Variants in JCAD observed in about 807,000 individuals in gnomAD.
The protein encoded by JCAD is junctional cadherin 5 associated.
Under a neutral mutation model 98.0 loss-of-function variants are expected in JCAD, and 40 were observed. The observed-to-expected ratio is 0.41, with a 90% CI of 0.32 to 0.53. The LOEUF is 0.53. Ranked by LOEUF, JCAD falls within the 20% of genes least tolerant of loss-of-function variation. JCAD has a pLI of 0.31. For missense variants in JCAD, 1,705 were observed against 1,738.1 expected, an observed-to-expected ratio of 0.98 and a Z score of 0.34; for synonymous variants, 691 against 682.3, an observed-to-expected ratio of 1.01 and a Z score of -0.20.
intron 1 of JCAD, 102 bp from the exon 2 acceptor site, chr10:30,047,973 T>C (rs770079892): frequency 2.2e-5 from 14 of 646,988 alleles, no homozygotes; most frequent in Non-Finnish European, 3.4e-5. Context: ...ACCATGGCGA[T>C]GGACACAGCA....
In JCAD at chr10:30,049,397, G is replaced by C. The variant is rs117966055; in HGVS notation, c.-59-1526C>G. 4.5e-3 allele frequency among the ~76,000 whole-genome samples: 693 copies of C among 152,328 alleles called. 10 individuals carry two copies. The South Asian group carries it at 0.051, about 11-fold the overall frequency. ...TGCGGCATGTGCTTCCTGTCACTGG[G>C]AGCTCTTACTCGGGTCTGTCGCACA... On this transcript the variant is annotated intron_variant, in intron 1 of 3. Coordinates refer to ENST00000375377, the MANE Select transcript of JCAD (RefSeq NM_020848.4).
intron 2 of JCAD, among the ~76,000 whole-genome samples, chr10:30,043,109 T>C (rs953730784): frequency 1.1e-4 from 16 of 152,262 alleles, no homozygotes; most frequent in Non-Finnish European, 2.4e-4. Context: ...CAAGTTCACA[T>C]GCTCCTTTGT....
intron 2 of JCAD, among the ~76,000 whole-genome samples, chr10:30,044,532 C>T (rs1002577917): frequency 6.6e-6 from 1 of 152,104 alleles, no homozygotes; most frequent in Non-Finnish European, 1.5e-5. Context: ...CCCCCTAGAC[C>T]GGGAGGCCAG....
chr10:30,112,871 C>CCA (rs1838730070), intron 1 of JCAD, among the ~76,000 whole-genome samples: 1 of 99,122 alleles, frequency 1.0e-5, no homozygotes, highest in Non-Finnish European at 2.0e-5. Flanking sequence ...GACTCCATCT[C>CCA]AAAAAAAAAA....
At chr10:30,114,420 A>T (rs1433913380) in intron 1 of JCAD, among the ~76,000 whole-genome samples, 1 of 152,112 alleles carries the variant, frequency 6.6e-6, no homozygotes, top group Non-Finnish European at 1.5e-5. Flanking sequence ...TCAAGTAGGT[A>T]GGAAATTTTC....
chr10:30,107,248 C>T (rs1407857720), intron 1 of JCAD, among the ~76,000 whole-genome samples: 1 of 152,160 alleles, frequency 6.6e-6, no homozygotes, highest in Non-Finnish European at 1.5e-5. Context: ...TAGGAGGTCA[C>T]ATGATACAGG....
At chr10:30,041,268 A>T (rs904861838) in intron 2 of JCAD, among the ~76,000 whole-genome samples, 3 of 152,130 alleles carry the variant, frequency 2.0e-5, no homozygotes, top group Non-Finnish European at 2.9e-5. Flanking sequence ...CCTGGTGTTC[A>T]TGAGCATGCC....
At chr10:30,018,416 CAG>C (rs1325513792) in intron 3 of JCAD, among the ~76,000 whole-genome samples, 1 of 151,982 alleles carries the variant, frequency 6.6e-6, no homozygotes, top group African/African-American at 2.4e-5. Context: ...GCTTGGCTGG[CAG>C]AGAGAGGCTT....
chr10:30,015,835 C>T lies in JCAD; in HGVS notation c.*2048G>A, dbSNP rs902444453. ...ATGTATATACACATATACCTTCTTA[C>T]GTTTGCATTTAAAGAGGGAAGACCC... On this transcript the variant is annotated 3_prime_UTR_variant, in exon 4 of 4. Coordinates refer to ENST00000375377, the MANE Select transcript of JCAD (RefSeq NM_020848.4). 6.6e-6 allele frequency: 1 copy of T among 152,162 alleles called. No homozygotes were observed. The highest frequency in any genetic ancestry group is 2.4e-5 in the African/African-American group (1 of 41,426). 9.4% of individuals were successfully genotyped at this position (152,162 alleles called of 1,614,324 possible).
chr10:30,030,157 T>C (rs1836960835), intron 2 of JCAD, among the ~76,000 whole-genome samples: 1 of 152,136 alleles, frequency 6.6e-6, no homozygotes, highest in African/African-American at 2.4e-5. Context: ...AAATGTCTGG[T>C]GGAAGGCCGG....
In JCAD at chr10:30,047,725, G is replaced by A. The variant is rs777184517; in HGVS notation, c.88C>T (p.Arg30Cys). 13 of 1,614,074 alleles carry A rather than the reference G, an allele frequency of 8.1e-6. No individual in the cohort carries two copies. Among genetic ancestry groups the A allele is most frequent in the African/African-American group, 2.7e-5 (2 of 74,936 alleles). The stretch of plus-strand genomic sequence containing the variant: ...CGTGTCCCAGTCCTCGCTGCCTGGC[G>A]CCCCTTGGGGTTATCCTCGCGTGAT... The part of the protein sequence containing the change: ...PASREDNPKG[R>C]QAARTGTRAG... Residue 30 changes from arginine (R) to cysteine (C), a missense_variant, in exon 2 of 4, where the codon CGC becomes TGC. By Grantham distance (180) the Arg-to-Cys change is radical. Transcript: ENST00000375377.
At chr10:30,037,068 C>T (rs949846954) in intron 2 of JCAD, among the ~76,000 whole-genome samples, 9 of 152,192 alleles carry the variant, frequency 5.9e-5, no homozygotes, top group East Asian at 5.8e-4. Flanking sequence ...CCAGGAGCAG[C>T]GTTCTCCTCT....
chr10:30,079,028 C>G (rs1415313019), intron 1 of JCAD, among the ~76,000 whole-genome samples: 1 of 152,068 alleles, frequency 6.6e-6, no homozygotes, highest in Non-Finnish European at 1.5e-5. Context: ...TGAGACTATT[C>G]CAGTCAACAG....
intron 1 of JCAD, among the ~76,000 whole-genome samples, chr10:30,089,775 C>T (rs1838231475): frequency 6.6e-6 from 1 of 152,068 alleles, no homozygotes. Flanking sequence ...TGCCAGATGT[C>T]TAATGAACAG....
chr10:30,026,266 G>A lies in JCAD; in HGVS notation c.3882C>T (p.Gly1294=). 1 of 1,613,820 alleles carries A rather than the reference G, an allele frequency of 6.2e-7. No individual in the cohort carries two copies. The highest frequency in any genetic ancestry group is 8.5e-7 in the Non-Finnish European group (1 of 1,180,036). ...CAAGGCCTCCCGGGAGCCCGGCCTG[G>A]CCCCTTGTGGTGGCCTTCAATTCCT... ...DAEELKATTR[G]QAGLPGGLVS... Residue 1294 remains glycine (G), a synonymous_variant, in exon 3 of 4, where the codon GGC becomes GGT. Transcript: ENST00000375377.
chr10:30,038,704 A>AG (rs1483999890), intron 2 of JCAD, among the ~76,000 whole-genome samples: 1 of 148,938 alleles, frequency 6.7e-6, no homozygotes, highest in Non-Finnish European at 1.5e-5. Flanking sequence ...AAAAAAAAAA[A>AG]AGAAAGAAAG....
In JCAD at chr10:30,028,646, C is replaced by G. The variant is rs200313569; in HGVS notation, c.1502G>C (p.Trp501Ser). 1 of 1,607,064 alleles carries G rather than the reference C, an allele frequency of 6.2e-7. No individual in the cohort carries two copies. Among genetic ancestry groups the G allele is most frequent in the Non-Finnish European group, 8.5e-7 (1 of 1,176,646 alleles). ...TTCCCCATCCCCGGGGGGCTGGCCC[C>G]ACAGCCACCGGGGGCTGGAATCGGC... is the stretch of plus-strand genomic sequence containing the variant. ...VLADSSPRWL[W>S]GQPPGDGENS... Residue 501 changes from tryptophan (W) to serine (S), a missense_variant, in exon 3 of 4, where the codon TGG (tryptophan) becomes TCG (serine). By Grantham distance (177) the Trp-to-Ser change is radical. Around this residue, in one of 3 missense-constraint regions of JCAD, gnomAD observed 1,278 missense variants for 1,243.1 expected, o/e 1.03. Coordinates refer to ENST00000375377, the MANE Select transcript of JCAD (RefSeq NM_020848.4).
chr10:30,080,949 T>G (rs1218342821), intron 1 of JCAD, among the ~76,000 whole-genome samples: 2 of 152,208 alleles, frequency 1.3e-5, no homozygotes, highest in African/African-American at 4.8e-5. Context: ...TGTTCTCAGT[T>G]TAGGGATAGA....
intron 1 of JCAD, among the ~76,000 whole-genome samples, chr10:30,098,413 C>T (rs993712282): frequency 6.6e-6 from 1 of 152,186 alleles, no homozygotes; most frequent in Non-Finnish European, 1.5e-5. Flanking sequence ...ATCCCCACCA[C>T]ATCTAGGCCT....
Sources: allele counts gnomAD v4.1 joint callset (sites outside exome capture counted in the v4.1 genomes callset), GRCh38; gene constraint gnomAD v4.1.1; regional missense constraint gnomAD v4.1.1; transcripts MANE v1.5; gene names NCBI Gene and HGNC (gene_info 2026-07-23, HGNC 2026-07-21).